The following TENM2 variants were observed in gnomAD, a reference collection of about 807,000 sequenced individuals.
TENM2 encodes the protein teneurin transmembrane protein 2.
TENM2 carries 52 observed loss-of-function variants against 245.2 expected under a neutral mutation model. That is an observed-to-expected ratio of 0.21 (90% CI 0.17 to 0.27). The LOEUF (loss-of-function observed/expected upper bound fraction) is 0.27, where lower values mean the gene tolerates loss of function less well. Ranked by LOEUF, TENM2 falls within the 10% of genes least tolerant of loss-of-function variation. The probability of loss-of-function intolerance (pLI) is 1.00; values close to 1 mark genes in which losing one functional copy is unlikely to be tolerated. For missense variants in TENM2, 3,046 were observed against 3,666.8 expected (o/e 0.83, Z 4.37); for synonymous variants, 1,363 against 1,438.9 (o/e 0.95, Z 1.19).
chr5:167,082,498 G>A, the TENM2 span, among the ~76,000 whole-genome samples: 2 of 152,032 alleles, frequency 1.3e-5, no homozygotes, highest in Non-Finnish European at 2.9e-5. Context: ...TGTTAGCCAG[G>A]CTGGTCTCAA....
intron 6 of TENM2, among the ~76,000 whole-genome samples, chr5:168,050,898 A>G (rs899556417): frequency 2.0e-5 from 3 of 152,216 alleles, no homozygotes; most frequent in African/African-American, 4.8e-5. Flanking sequence ...TGGCTTTCAC[A>G]TCAAGAAGAG....
chr5:167,115,260 C>G, the TENM2 span, among the ~76,000 whole-genome samples: 2 of 152,114 alleles, frequency 1.3e-5, no homozygotes, highest in African/African-American at 4.8e-5. Flanking sequence ...TCCATGTCTA[C>G]AAAATGATTT....
chr5:168,246,678 A>G lies in TENM2; in HGVS notation c.5818-79A>G, dbSNP rs1338938076. 13 of 1,375,444 alleles carry G rather than the reference A, an allele frequency of 9.5e-6. No individual in the cohort carries two copies. In the Admixed American group the frequency reaches 2.5e-4, roughly 26 times the overall value. 85.2% of individuals were successfully genotyped at this position (1,375,444 alleles called of 1,614,324 possible). A position where few individuals can be genotyped will look rare whatever the true frequency, so the allele number is the denominator to read the frequency against. ...GACTTTTGAGTTGACATTTGGGGAAATGGACTAAATTCTGTCTGTTTGAAT... is the reference window on the plus strand; with the variant it reads ...GACTTTTGAGTTGACATTTGGGGAAGTGGACTAAATTCTGTCTGTTTGAAT... On this transcript the variant is annotated intron_variant, in intron 26 of 28. Coordinates refer to ENST00000518659, the Ensembl canonical transcript of TENM2.
At chr5:167,881,664 C>T (rs546969446) in intron 3 of TENM2, among the ~76,000 whole-genome samples, 8 of 152,150 alleles carry the variant, frequency 5.3e-5, no homozygotes, top group African/African-American at 1.2e-4. Context: ...GAGCTACCTG[C>T]GGCTCCTTCC....
intron 2 of TENM2, among the ~76,000 whole-genome samples, chr5:167,454,955 T>G (rs1445868743): frequency 6.6e-6 from 1 of 152,196 alleles, no homozygotes; most frequent in Non-Finnish European, 1.5e-5. Context: ...TGAAATGCTG[T>G]TACCAGAAAT....
intron 3 of TENM2, among the ~76,000 whole-genome samples, chr5:167,922,542 C>T (rs1358078161): frequency 6.6e-6 from 1 of 152,192 alleles, no homozygotes; most frequent in Non-Finnish European, 1.5e-5. Context: ...TCTACCACTC[C>T]ACTCCCATCT....
At chr5:168,182,189 TAAATC>T (rs371002820) in intron 13 of TENM2, among the ~76,000 whole-genome samples, 316 of 152,326 alleles carry the variant, frequency 2.1e-3, no homozygotes, top group African/African-American at 7.4e-3. Flanking sequence ...ATTGCCAGGT[TAAATC>T]AAGTCAGCCT....
chr5:167,224,183 C>G, the TENM2 span, among the ~76,000 whole-genome samples: 1 of 152,082 alleles, frequency 6.6e-6, no homozygotes, highest in Non-Finnish European at 1.5e-5. Flanking sequence ...CGTGCAGAAG[C>G]TTTCTAGCTG....
At chr5:167,087,124 C>A in the TENM2 span, among the ~76,000 whole-genome samples, 1 of 152,118 alleles carries the variant, frequency 6.6e-6, no homozygotes, top group Non-Finnish European at 1.5e-5. Flanking sequence ...CTACCTTTCA[C>A]CCTCCTTTCT....
At chr5:167,042,280 T>C in the TENM2 span, among the ~76,000 whole-genome samples, 2 of 152,182 alleles carry the variant, frequency 1.3e-5, no homozygotes, top group Non-Finnish European at 2.9e-5. Flanking sequence ...CTCACCACGT[T>C]ATTTAAGCAA....
chr5:167,540,555 A>G (rs56194981), intron 2 of TENM2, among the ~76,000 whole-genome samples: 13,750 of 152,260 alleles, frequency 0.09, 721 homozygotes, highest in East Asian at 0.22. Context: ...ACACCAAAAC[A>G]GGGCGAGTTG....
chr5:167,859,177 T>TGA (rs1261545413), intron 2 of TENM2, among the ~76,000 whole-genome samples: 2 of 65,192 alleles, frequency 3.1e-5, no homozygotes, highest in African/African-American at 1.2e-4. Context: ...GTCTGGGAGG[T>TGA]GAGGAGCGTC....
chr5:167,180,558 C>T, the TENM2 span, among the ~76,000 whole-genome samples: 3 of 152,100 alleles, frequency 2.0e-5, no homozygotes, highest in East Asian at 1.9e-4. Flanking sequence ...CCAACTTCAC[C>T]TTGCAGTTGA....
At chr5:167,355,453 A>G (rs758230453) in intron 1 of TENM2, among the ~76,000 whole-genome samples, 5 of 152,206 alleles carry the variant, frequency 3.3e-5, no homozygotes, top group Non-Finnish European at 7.3e-5. Flanking sequence ...GCAAGAAATA[A>G]GTGTTTGAAA....
At chr5:167,230,065 A>C in the TENM2 span, among the ~76,000 whole-genome samples, 1 of 152,164 alleles carries the variant, frequency 6.6e-6, no homozygotes, top group Non-Finnish European at 1.5e-5. Flanking sequence ...GCCCAGTTGC[A>C]GGGCAGAATG....
chr5:167,040,527 T>C, the TENM2 span, among the ~76,000 whole-genome samples: 3 of 152,052 alleles, frequency 2.0e-5, no homozygotes, highest in East Asian at 2.0e-4. Flanking sequence ...TCCTGTGAGA[T>C]GACAAACTTG....
chr5:167,892,671 G>T (rs1774854999), intron 3 of TENM2, among the ~76,000 whole-genome samples: 1 of 152,172 alleles, frequency 6.6e-6, no homozygotes, highest in South Asian at 2.1e-4. Flanking sequence ...TTGGGGAAAA[G>T]TTGGAAGCCC....
chr5:168,202,143 T>C (rs1347341465), intron 17 of TENM2, among the ~76,000 whole-genome samples: 1 of 152,196 alleles, frequency 6.6e-6, no homozygotes, highest in African/African-American at 2.4e-5. Flanking sequence ...AAATGATAGT[T>C]TAATTCTGTA....
intron 5 of TENM2, among the ~76,000 whole-genome samples, chr5:168,028,276 C>A (rs1786801740): frequency 6.6e-6 from 1 of 152,144 alleles, no homozygotes; most frequent in Non-Finnish European, 1.5e-5. Flanking sequence ...TCAGGTTCCA[C>A]CCGGGAATCA....
Sources: gnomAD v4.1 joint callset for allele counts (sites outside exome capture counted in the v4.1 genomes callset) on GRCh38, gnomAD v4.1.1 for gene constraint, MANE v1.5 for transcripts, NCBI Gene and HGNC (gene_info 2026-07-23, HGNC 2026-07-21) for gene names.